Variants in CHST8 observed in about 807,000 individuals in gnomAD.
The protein encoded by CHST8 is GALNAC-4-ST1.
CHST8 carries 10 observed loss-of-function variants against 15.0 expected under a neutral mutation model. The observed-to-expected ratio is 0.67, with a 90% CI of 0.41 to 1.13. The LOEUF (loss-of-function observed/expected upper bound fraction) is 1.13. Among genes scored for constraint, CHST8 ranks in the 50% most tolerant of loss-of-function variants. The pLI is 0.00. For missense variants in CHST8, 634 were observed against 608.2 expected (o/e 1.04, Z -0.45); for synonymous variants, 259 against 256.6 (o/e 1.01, Z -0.09).
intron 3 of CHST8, among the ~76,000 whole-genome samples, chr19:33,699,828 C>A (rs1286935484): frequency 6.6e-6 from 1 of 152,168 alleles, no homozygotes; most frequent in African/African-American, 2.4e-5. Context: ...CCAGCTCCTA[C>A]AGTGACTGTC....
chr19:33,742,757 A>G (rs1415907266), intron 3 of CHST8, among the ~76,000 whole-genome samples: 1 of 151,946 alleles, frequency 6.6e-6, no homozygotes, highest in African/African-American at 2.4e-5. Flanking sequence ...GTTTTTTGGG[A>G]TGCCATGTTT....
chr19:33,756,298 C>T (rs1404714484), intron 3 of CHST8, among the ~76,000 whole-genome samples: 3 of 152,288 alleles, frequency 2.0e-5, no homozygotes, highest in Middle Eastern at 3.4e-3. Flanking sequence ...GTGACGTGGG[C>T]CTGTTTGAAG....
intron 1 of CHST8, among the ~76,000 whole-genome samples, chr19:33,626,189 T>A (rs913080260): frequency 6.6e-6 from 1 of 152,092 alleles, no homozygotes; most frequent in African/African-American, 2.4e-5. Flanking sequence ...GCATGGCAGA[T>A]CGTGAGGCTT....
intron 2 of CHST8, among the ~76,000 whole-genome samples, chr19:33,669,452 T>TA (rs1156454387): frequency 1.3e-5 from 2 of 152,234 alleles, no homozygotes; most frequent in East Asian, 3.8e-4. Context: ...TCTCGTGCCT[T>TA]AAATAATGTT....
chr19:33,732,560 A>G (rs1974014816), intron 3 of CHST8, among the ~76,000 whole-genome samples: 1 of 151,962 alleles, frequency 6.6e-6, no homozygotes, highest in Admixed American at 6.5e-5. Flanking sequence ...GATGCAGAAC[A>G]CAGGCAAGTA....
At chr19:33,694,159 G>T (rs1973157914) in intron 3 of CHST8, among the ~76,000 whole-genome samples, 1 of 53,968 alleles carries the variant, frequency 1.9e-5, no homozygotes, top group African/African-American at 8.1e-5. Context: ...AGATTCTATT[G>T]TAGTTTATTC....
chr19:33,656,696 C>T (rs10415353), intron 1 of CHST8, among the ~76,000 whole-genome samples: 34,662 of 151,798 alleles, frequency 0.23, 4,487 homozygotes, highest in Admixed American at 0.35. Context: ...ACCACCACAC[C>T]GGGCTAATTT....
intron 1 of CHST8, among the ~76,000 whole-genome samples, chr19:33,666,603 GA>G (rs1191804793): frequency 1.3e-5 from 2 of 152,346 alleles, no homozygotes; most frequent in East Asian, 3.9e-4. Flanking sequence ...AGTGGGAGGA[GA>G]GGGGTATTGA....
chr19:33,735,380 G>A (rs948360428), intron 3 of CHST8, among the ~76,000 whole-genome samples: 3 of 152,272 alleles, frequency 2.0e-5, no homozygotes, highest in Non-Finnish European at 4.4e-5. Flanking sequence ...CAGCAGGAGA[G>A]TGTGAATGGG....
intron 2 of CHST8, among the ~76,000 whole-genome samples, chr19:33,682,051 C>T (rs187374643): frequency 1.3e-5 from 2 of 151,994 alleles, no homozygotes; most frequent in African/African-American, 4.8e-5. Flanking sequence ...AGACGGGTTT[C>T]ACTGTGTTGG....
At chr19:33,646,285 A>C (rs1337493155) in intron 1 of CHST8, among the ~76,000 whole-genome samples, 1 of 152,078 alleles carries the variant, frequency 6.6e-6, no homozygotes, top group African/African-American at 2.4e-5. Flanking sequence ...CGGCTGTGTT[A>C]GGGATGAAAT....
rs115970567 is a variant in CHST8 at position 33,661,259 on chromosome 19, G to A, written c.-163-6508G>A. ...CCTGGGAAGAAGGAGAGCAGGTTAC[G>A]GATGCTCAGATGTTTGTGTGCATTG... On this transcript the variant is annotated intron_variant, in intron 1 of 4. Coordinates refer to ENST00000650847, the MANE Select transcript of CHST8 (RefSeq NM_001127895.2). Among the ~76,000 whole-genome samples, 1,015 of 152,296 alleles carry A rather than the reference G, an allele frequency of 6.7e-3. 11 individuals carry two copies. The highest frequency in any genetic ancestry group is 0.023 in the African/African-American group (952 of 41,560).
At chr19:33,685,042 C>T (rs1238459844) in intron 2 of CHST8, 1 of 152,208 alleles carries the variant, frequency 6.6e-6, no homozygotes, top group African/African-American at 2.4e-5. Context: ...GTGGGTGCAC[C>T]CATGCTGCCT....
intron 3 of CHST8, among the ~76,000 whole-genome samples, chr19:33,734,880 A>T (rs1225566800): frequency 6.6e-6 from 1 of 152,190 alleles, no homozygotes; most frequent in Non-Finnish European, 1.5e-5. Context: ...AGTCTCCTGC[A>T]CAGCTTGGTC....
chr19:33,736,844 G>A (rs1974095106), intron 3 of CHST8, among the ~76,000 whole-genome samples: 1 of 152,158 alleles, frequency 6.6e-6, no homozygotes, highest in Non-Finnish European at 1.5e-5. Flanking sequence ...CTGCCATTCT[G>A]AGATAGGAGT....
In CHST8 at chr19:33,771,443, C is replaced by G. The variant is rs2145396783; in HGVS notation, c.161C>G (p.Pro54Arg). ...AAGTTCAACATCAGGCCAAGGCAGC[C>G]CCACCACGTAAGTTCTGAGAGTCAG... ...GIKFNIRPRQPHHDLPPGGSQ... is the reference protein window; with the variant it reads ...GIKFNIRPRQRHHDLPPGGSQ... The change falls in exon 4 of 5, where the codon CCC (proline) becomes CGC (arginine). Residue 54 changes from proline (P) to arginine (R), a missense_variant. Coordinates refer to ENST00000650847, the MANE Select transcript of CHST8 (RefSeq NM_001127895.2). The G allele has an allele frequency of 6.2e-7, 1 of 1,614,094 alleles. No individual in the cohort carries two copies. Among genetic ancestry groups the G allele is most frequent in the Non-Finnish European group, 8.5e-7 (1 of 1,179,990 alleles).
At chr19:33,694,206 ATATATATATATAT>A (rs1568331144) in intron 3 of CHST8, among the ~76,000 whole-genome samples, 3 of 85,484 alleles carry the variant, frequency 3.5e-5, no homozygotes, top group African/African-American at 1.5e-4. Flanking sequence ...ATATATATAT[ATATATATATATAT>A]AATGTTACCA....
At chr19:33,669,601 C>T (rs747768582) in intron 2 of CHST8, among the ~76,000 whole-genome samples, 2 of 152,200 alleles carry the variant, frequency 1.3e-5, no homozygotes, top group Non-Finnish European at 2.9e-5. Flanking sequence ...CCCATCTGTG[C>T]AAAACCCTGG....
At chr19:33,760,354 GT>G (rs2145377278) in intron 3 of CHST8, among the ~76,000 whole-genome samples, 1 of 57,562 alleles carries the variant, frequency 1.7e-5, no homozygotes, top group East Asian at 4.1e-4. Flanking sequence ...ATCTCACTCT[GT>G]CACCCAGGCT....
Sources: allele counts gnomAD v4.1 joint callset (sites outside exome capture counted in the v4.1 genomes callset), GRCh38; gene constraint gnomAD v4.1.1; transcripts MANE v1.5; gene names NCBI Gene and HGNC (gene_info 2026-07-23, HGNC 2026-07-21).